GRM3: variants seen among roughly 807,000 people sequenced by gnomAD.
The protein encoded by GRM3 is metabotropic glutamate receptor 3.
Under a neutral mutation model 70.5 loss-of-function variants are expected in GRM3, and 26 were observed. The observed-to-expected ratio is 0.37, with a 90% CI of 0.27 to 0.51. The LOEUF (loss-of-function observed/expected upper bound fraction) is 0.51, where lower values mean the gene tolerates loss of function less well. Among genes scored for constraint, GRM3 ranks in the 20% least tolerant of loss-of-function variants. GRM3 has a pLI of 0.93. For synonymous variants in GRM3, 443 were observed against 434.9 expected (o/e 1.02, Z -0.23); for missense variants, 859 against 1,123.8 (o/e 0.76, Z 3.37).
intron 3 of GRM3, among the ~76,000 whole-genome samples, chr7:86,791,274 G>A (rs1437350175): frequency 1.3e-5 from 2 of 152,036 alleles, no homozygotes; most frequent in Admixed American, 6.6e-5. Context: ...ATAAAAGCAA[G>A]CAATCAATTT....
intron 1 of GRM3, among the ~76,000 whole-genome samples, chr7:86,668,754 T>C (rs545629493): frequency 3.5e-4 from 54 of 152,284 alleles, no homozygotes; most frequent in Non-Finnish European, 7.1e-4. Context: ...CCACCTGCCA[T>C]GCATAGACTG....
At chr7:86,721,048 C>T (rs1795449734) in intron 1 of GRM3, among the ~76,000 whole-genome samples, 1 of 151,988 alleles carries the variant, frequency 6.6e-6, no homozygotes, top group African/African-American at 2.4e-5. Flanking sequence ...CCTCAGGCCC[C>T]AAAGGGAAGC....
intron 1 of GRM3, among the ~76,000 whole-genome samples, chr7:86,703,848 C>T (rs1389558656): frequency 2.0e-5 from 3 of 151,848 alleles, no homozygotes; most frequent in Non-Finnish European, 1.5e-5. Flanking sequence ...TTAAGGTCCT[C>T]TCTAATAAAC....
At chr7:86,797,132 A>G (rs938697513) in intron 3 of GRM3, among the ~76,000 whole-genome samples, 9 of 152,186 alleles carry the variant, frequency 5.9e-5, no homozygotes, top group Non-Finnish European at 1.2e-4. Flanking sequence ...ATAAATTGGT[A>G]CCAGTAGAGA....
At chr7:86,751,214 G>A (rs1796223172) in intron 1 of GRM3, among the ~76,000 whole-genome samples, 2 of 152,032 alleles carry the variant, frequency 1.3e-5, no homozygotes, top group African/African-American at 4.8e-5. Context: ...CCATCCAGTT[G>A]GAAATGGTAA....
chr7:86,735,735 C>A (rs558434660), intron 1 of GRM3, among the ~76,000 whole-genome samples: 1 of 152,296 alleles, frequency 6.6e-6, no homozygotes, highest in Non-Finnish European at 1.5e-5. Flanking sequence ...ATACACAACA[C>A]TGCCTTTCAC....
chr7:86,769,084 C>T (rs185980805), intron 2 of GRM3, among the ~76,000 whole-genome samples: 2 of 152,152 alleles, frequency 1.3e-5, no homozygotes, highest in African/African-American at 2.4e-5. Context: ...ACGAGGGAAA[C>T]ATTTTTGGAG....
At chr7:86,675,531 A>G (rs1456490050) in intron 1 of GRM3, among the ~76,000 whole-genome samples, 1 of 152,030 alleles carries the variant, frequency 6.6e-6, no homozygotes, top group Non-Finnish European at 1.5e-5. Flanking sequence ...CAGAGAATAA[A>G]GCTCCCAGTT....
At chr7:86,770,312 A>C (rs549085830) in intron 2 of GRM3, among the ~76,000 whole-genome samples, 1 of 152,256 alleles carries the variant, frequency 6.6e-6, no homozygotes, top group East Asian at 1.9e-4. Context: ...GCTCATAGAA[A>C]GGGCAGAAGA....
intron 1 of GRM3, among the ~76,000 whole-genome samples, chr7:86,657,560 G>A (rs923823383): frequency 1.3e-5 from 2 of 152,170 alleles, no homozygotes; most frequent in African/African-American, 4.8e-5. Flanking sequence ...GGTCAGGGCA[G>A]AAGATAAAGC....
intron 1 of GRM3, among the ~76,000 whole-genome samples, chr7:86,708,186 C>T (rs1271114489): frequency 1.3e-5 from 2 of 152,120 alleles, no homozygotes; most frequent in African/African-American, 2.4e-5. Context: ...CTCATGCAAC[C>T]TTCTGGGCCA....
chr7:86,652,372 C>T (rs1264741467), intron 1 of GRM3, among the ~76,000 whole-genome samples: 2 of 151,998 alleles, frequency 1.3e-5, no homozygotes, highest in African/African-American at 4.8e-5. Context: ...GCTCTGTTGC[C>T]CAGGCTGGAG....
intron 3 of GRM3, among the ~76,000 whole-genome samples, chr7:86,820,434 G>C (rs1798096853): frequency 6.6e-6 from 1 of 152,058 alleles, no homozygotes; most frequent in Non-Finnish European, 1.5e-5. Context: ...GAGTACCTTA[G>C]CTTATTTCAA....
At chr7:86,807,530 G>A (rs542495842) in intron 3 of GRM3, among the ~76,000 whole-genome samples, 1 of 151,694 alleles carries the variant, frequency 6.6e-6, no homozygotes, top group Non-Finnish European at 1.5e-5. Flanking sequence ...GTTCACTCAT[G>A]ATTTGGCTCT....
chr7:86,844,531 C>A (rs1202611755), intron 4 of GRM3, among the ~76,000 whole-genome samples: 4 of 151,676 alleles, frequency 2.6e-5, no homozygotes, highest in Non-Finnish European at 5.9e-5. Flanking sequence ...GATTTTTAAG[C>A]AGGGGAGTTT....
chr7:86,719,700 C>A (rs1466327194), intron 1 of GRM3, among the ~76,000 whole-genome samples: 1 of 151,860 alleles, frequency 6.6e-6, no homozygotes, highest in Non-Finnish European at 1.5e-5. Context: ...AAATACTGAG[C>A]AACTAATTAT....
intron 1 of GRM3, among the ~76,000 whole-genome samples, chr7:86,651,952 A>G (rs1197656696): frequency 1.3e-5 from 2 of 152,240 alleles, no homozygotes; most frequent in Non-Finnish European, 1.5e-5. Flanking sequence ...CTAGAACCAC[A>G]TAACGTACTA....
intron 1 of GRM3, among the ~76,000 whole-genome samples, chr7:86,650,505 A>G (rs802465): frequency 0.67 from 102,552 of 151,998 alleles, 34,973 homozygotes; most frequent in East Asian, 0.88. Flanking sequence ...CCCCAGGCTC[A>G]AGATCTTTCT....
chr7:86,703,830 A>T (rs548827655), intron 1 of GRM3, among the ~76,000 whole-genome samples: 1 of 151,960 alleles, frequency 6.6e-6, no homozygotes, highest in Non-Finnish European at 1.5e-5. Flanking sequence ...AAATGGGCTT[A>T]TAACTTTTTA....
Sources: gnomAD v4.1 joint callset for allele counts (sites outside exome capture counted in the v4.1 genomes callset) on GRCh38, gnomAD v4.1.1 for gene constraint, MANE v1.5 for transcripts, NCBI Gene and HGNC (gene_info 2026-07-23, HGNC 2026-07-21) for gene names.